The following TPCN1 variants were observed in gnomAD, a reference collection of about 807,000 sequenced individuals.
The protein encoded by TPCN1 is two pore segment channel 1.
Under a neutral mutation model 108.8 loss-of-function variants are expected in TPCN1, and 52 were observed. The observed-to-expected ratio is 0.48, with a 90% CI of 0.38 to 0.60. The LOEUF (loss-of-function observed/expected upper bound fraction) is 0.60, where lower values mean the gene tolerates loss of function less well. TPCN1 is among the 20% of genes least tolerant of loss of function. TPCN1 has a pLI of 0.00. For missense variants in TPCN1, 806 were observed against 1,072.8 expected (o/e 0.75, Z 3.47); for synonymous variants, 446 against 433.7 (o/e 1.03, Z -0.35).
Position 113,293,017 on chromosome 12 carries a change from G to T in TPCN1, c.2197G>T (p.Ala733Ser), listed in dbSNP as rs932097777. Reference protein sequence around the residue: ...VLELYREARGASSDVTRLLET... With the variant: ...VLELYREARGSSSDVTRLLET... The stretch of plus-strand genomic sequence containing the variant: ...GGAGCTCTACCGGGAGGCACGGGGG[G>T]CCTCCTCGGATGTCACCAGGCTGCT... Residue 733 changes from alanine to serine, a missense_variant, in exon 26 of 28, where the codon GCC (alanine) becomes TCC (serine). Physicochemically the swap from Ala to Ser is moderately conservative, Grantham distance 99 (BLOSUM62 1). Coordinates refer to ENST00000335509, the MANE Select transcript of TPCN1 (RefSeq NM_017901.6). 3.1e-6 allele frequency: 5 copies of T among 1,613,126 alleles called. No individual in the cohort carries two copies. Among genetic ancestry groups the T allele is most frequent in the Non-Finnish European group, 4.2e-6 (5 of 1,179,990 alleles).
At chr12:113,286,912 A>G in intron 18 of TPCN1, 75 bp from the exon 19 acceptor site, 1 of 1,063,758 alleles carries the variant, frequency 9.4e-7, no homozygotes, top group Non-Finnish European at 1.4e-6. Flanking sequence ...GTGGCTGTGC[A>G]CAGGGCCAGG....
chr12:113,280,133 TG>T lies in TPCN1; in HGVS notation c.1298-17del, dbSNP rs1955837708. On this transcript the variant is annotated splice_polypyrimidine_tract_variant and intron_variant, in intron 14 of 27. Coordinates refer to ENST00000335509, the MANE Select transcript of TPCN1 (RefSeq NM_017901.6). ...AAGTGCGTAAATTTACATTTTAACT[TG>T]TCTTTTCTTCAAATAGGTATTAATA... 1.3e-6 allele frequency: 2 copies of T among 1,583,610 alleles called. No homozygotes were observed. Among genetic ancestry groups the T allele is most frequent in the Admixed American group, 1.7e-5 (1 of 59,674 alleles).
At chr12:113,290,068 C>T in intron 21 of TPCN1, 60 bp from the exon 22 acceptor site, 1 of 1,115,366 alleles carries the variant, frequency 9.0e-7, no homozygotes, top group Non-Finnish European at 1.3e-6. Flanking sequence ...CTTCTGTCCT[C>T]TCTGGAGGTG....
At chr12:113,225,728 G>T (rs1207095006) in intron 1 of TPCN1, among the ~76,000 whole-genome samples, 1 of 151,278 alleles carries the variant, frequency 6.6e-6, no homozygotes, top group African/African-American at 2.4e-5. Flanking sequence ...CTAATTTTTT[G>T]AATTTTTGGT....
intron 2 of TPCN1, chr12:113,249,667 A>T (rs1013429360): frequency 2.0e-5 from 3 of 152,248 alleles, no homozygotes; most frequent in Non-Finnish European, 4.4e-5. Context: ...CTACTTCCAT[A>T]AAACACAACA....
In TPCN1 at chr12:113,272,790, G is replaced by A; in HGVS notation, c.783+98G>A. The A allele has an allele frequency of 4.9e-6, 6 of 1,213,216 alleles. No homozygotes were observed. The highest frequency in any genetic ancestry group is 7.3e-6 in the Non-Finnish European group (6 of 816,612). 75.2% of individuals were successfully genotyped at this position (1,213,216 alleles called of 1,614,324 possible). A position where few individuals can be genotyped will look rare whatever the true frequency, so the allele number is the denominator to read the frequency against. On this transcript the variant is annotated intron_variant, in intron 8 of 27. Coordinates refer to ENST00000335509, the MANE Select transcript of TPCN1 (RefSeq NM_017901.6). The surrounding 1 kb of genome is among the most constrained non-coding windows in gnomAD (Gnocchi z 4.1). ...ACCCTGTGGCCATATGGGGAAGGGG[G>A]GGCCTGCCTGGTTTCTCATCATAGC...
In TPCN1 at chr12:113,288,342, G is replaced by A. The variant is rs758805683; in HGVS notation, c.1706+108G>A. On this transcript the variant is annotated intron_variant, in intron 20 of 27. Transcript: ENST00000335509. This position sits in a 1 kb window ranked among gnomAD's most constrained non-coding sequence, Gnocchi z 4.8. ...GGGGAAAGGAGTTCCACAAAGGACT[G>A]CAATCGAGGGCCTGACGGGGCTCCA... The A allele has an allele frequency of 3.0e-5, 46 of 1,549,726 alleles. No individual in the cohort carries two copies. Among genetic ancestry groups the A allele is most frequent in the Non-Finnish European group, 3.7e-5 (43 of 1,150,742 alleles).
chr12:113,279,655 C>T (rs1419978956), intron 14 of TPCN1, among the ~76,000 whole-genome samples: 1 of 151,706 alleles, frequency 6.6e-6, no homozygotes, highest in Non-Finnish European at 1.5e-5. Flanking sequence ...CCACCCACCT[C>T]GGCCTCCCAA....
At position 113,288,888 on chromosome 12, in the gene TPCN1, C is replaced by G; in HGVS notation, c.1796+41C>G. 6.3e-7 allele frequency: 1 copy of G among 1,599,448 alleles called. No homozygotes were observed. Among genetic ancestry groups the G allele is most frequent in the Non-Finnish European group, 8.6e-7 (1 of 1,168,708 alleles). ...CCAGCCCCAGGCAGCCTGCATTTCC[C>G]GGGCAGAGGGCTGGCCAGGGCCAGG... On this transcript the variant is annotated intron_variant, in intron 21 of 27. Transcript: ENST00000335509. This position sits in a 1 kb window ranked among gnomAD's most constrained non-coding sequence, Gnocchi z 4.8.
chr12:113,248,109 C>A (rs1336186397), intron 2 of TPCN1, among the ~76,000 whole-genome samples: 1 of 152,256 alleles, frequency 6.6e-6, no homozygotes, highest in Non-Finnish European at 1.5e-5. Context: ...CCACATCACA[C>A]CCCTTCCTAA....
In TPCN1 at chr12:113,251,019, C is replaced by T. The variant is rs563265244; in HGVS notation, c.113-9349C>T. ...AAAAATAAAAATAGAAGAATTCTTT[C>T]CGGCCAGGTGCAGTGGCTCACACCT... On this transcript the variant is annotated intron_variant, in intron 2 of 27. Transcript: ENST00000335509. Among the ~76,000 whole-genome samples the T allele has an allele frequency of 3.3e-5, 5 of 151,946 alleles. No homozygotes were observed. In the East Asian group the frequency reaches 7.7e-4, roughly 24 times the overall value.
At chr12:113,256,806 A>G (rs1954844909) in intron 2 of TPCN1, among the ~76,000 whole-genome samples, 1 of 152,218 alleles carries the variant, frequency 6.6e-6, no homozygotes, top group African/African-American at 2.4e-5. Flanking sequence ...TGAAATCTTT[A>G]TGACCAGGGG....
chr12:113,286,852 G>A (rs998684384), intron 18 of TPCN1, 135 bp from the exon 19 acceptor site: 21 of 669,256 alleles, frequency 3.1e-5, no homozygotes, highest in African/African-American at 1.2e-4. Context: ...AGTTCTTCCC[G>A]CAGCCGGCTG....
chr12:113,234,689 A>AT (rs944037712), intron 2 of TPCN1, among the ~76,000 whole-genome samples: 1 of 152,162 alleles, frequency 6.6e-6, no homozygotes, highest in African/African-American at 2.4e-5. Context: ...GTAGCAAAAA[A>AT]TTTGAGAGCT....
intron 7 of TPCN1, among the ~76,000 whole-genome samples, chr12:113,272,000 A>G (rs1955518948): frequency 6.6e-6 from 1 of 152,234 alleles, no homozygotes; most frequent in Non-Finnish European, 1.5e-5. Flanking sequence ...CTCTGAGGCT[A>G]GAGCCAGGGC....
At chr12:113,240,743 C>G (rs1305209076) in intron 2 of TPCN1, among the ~76,000 whole-genome samples, 2 of 149,560 alleles carry the variant, frequency 1.3e-5, no homozygotes, top group South Asian at 4.2e-4. Flanking sequence ...ATCTCCTGCC[C>G]ATTCTTTTTT....
At chr12:113,285,757 G>A in intron 17 of TPCN1, 132 bp from the exon 18 acceptor site, 2 of 768,922 alleles carry the variant, frequency 2.6e-6, no homozygotes, top group East Asian at 5.1e-5. Context: ...GGACATGAGT[G>A]AGGCCTGGGC....
At chr12:113,278,348 GC>G in intron 13 of TPCN1, 111 bp downstream of exon 13, 1 of 1,006,520 alleles carries the variant, frequency 9.9e-7, no homozygotes. Context: ...GAGCAGCTCA[GC>G]CCCCAGCTTG....
Position 113,251,282 on chromosome 12 carries a change from A to T in TPCN1, c.113-9086A>T, listed in dbSNP as rs149634150. Among the ~76,000 whole-genome samples the T allele has an allele frequency of 1.8e-4, 27 of 152,346 alleles. No homozygotes were observed. In the East Asian group the frequency reaches 4.4e-3, roughly 25 times the overall value. On this transcript the variant is annotated intron_variant, in intron 2 of 27. Coordinates refer to ENST00000335509, the MANE Select transcript of TPCN1 (RefSeq NM_017901.6). ...TGCCACTGCACTACAGCCTGGGCTC[A>T]ATAAAAAGAATTATTTCCAAATGGA...
Sources: allele counts gnomAD v4.1 joint callset (sites outside exome capture counted in the v4.1 genomes callset), GRCh38; gene constraint gnomAD v4.1.1; non-coding constraint Gnocchi (gnomAD v3.1); transcripts MANE v1.5; gene names NCBI Gene and HGNC (gene_info 2026-07-23, HGNC 2026-07-21).